The following NACC2 variants were observed in gnomAD, a reference collection of about 807,000 sequenced individuals.
NACC2 encodes NACC family member 2, also known as nucleus accumbens-associated protein 2.
A neutral mutation model predicts 25.1 loss-of-function variants in NACC2; 8 were observed. That is an observed-to-expected ratio of 0.32 (90% CI 0.19 to 0.57). The LOEUF is 0.57. Among genes scored for constraint, NACC2 ranks in the 20% least tolerant of loss-of-function variants. The pLI, the probability that NACC2 is intolerant of heterozygous loss-of-function variation, is 0.89. For missense variants in NACC2, 644 were observed against 650.2 expected (o/e 0.99, Z 0.10); for synonymous variants, 435 against 294.7 (o/e 1.48, Z -4.88).
chr9:136,057,804 G>T (rs1840947883), intron 1 of NACC2, among the ~76,000 whole-genome samples: 1 of 152,196 alleles, frequency 6.6e-6, no homozygotes, highest in Non-Finnish European at 1.5e-5. Context: ...GCTGTGGCCT[G>T]ATCATCACCA....
At chr9:136,012,223 C>G (rs560840461) in intron 5 of NACC2, among the ~76,000 whole-genome samples, 199 bp from the exon 6 acceptor site, 33 of 152,372 alleles carry the variant, frequency 2.2e-4, no homozygotes, top group Admixed American at 6.5e-4. Flanking sequence ...GGCCTCCCCA[C>G]CCCATTCCTC....
chr9:136,025,351 C>T (rs1840372802), intron 2 of NACC2, among the ~76,000 whole-genome samples: 1 of 152,028 alleles, frequency 6.6e-6, no homozygotes, highest in Admixed American at 6.6e-5. Context: ...TAAGAAAGGG[C>T]CAGGAATCCC....
chr9:136,079,824 G>C (rs11999397), intron 1 of NACC2, among the ~76,000 whole-genome samples: 14,066 of 152,304 alleles, frequency 0.092, 734 homozygotes, highest in African/African-American at 0.14. Flanking sequence ...ACAGGCAGCA[G>C]CCGGGGAAGT....
At chr9:136,052,713 C>A (rs953080648) in intron 1 of NACC2, among the ~76,000 whole-genome samples, 2,674 of 152,344 alleles carry the variant, frequency 0.018, 79 homozygotes, top group African/African-American at 0.06. Context: ...AAGGGGCAGC[C>A]CCGCCTGAGA....
rs748585142 is a variant in NACC2 at position 136,013,118 on chromosome 9, C to CG, written c.1255+80dup. On this transcript the variant is annotated intron_variant, in intron 5 of 5. Coordinates refer to ENST00000277554, the MANE Select transcript of NACC2 (RefSeq NM_144653.5). The surrounding 1 kb of genome is among the most constrained non-coding windows in gnomAD (Gnocchi z 6.6). ...AGCTGCAGGTGGCCGGGAGCACCCC[C>CG]GCGGCCCACCCAGTCCTCCTCAGGC... The CG allele has an allele frequency of 1.5e-4, 186 of 1,278,582 alleles. No homozygotes were observed. In the Middle Eastern group the frequency reaches 3.1e-3, roughly 22 times the overall value. The allele number at this position is 1,278,582 out of a possible 1,614,324, so 79.2% of individuals were successfully genotyped here.
At chr9:136,083,558 C>T (rs7873344) in intron 1 of NACC2, among the ~76,000 whole-genome samples, 2,584 of 152,356 alleles carry the variant, frequency 0.017, 26 homozygotes, top group Non-Finnish European at 0.026. Flanking sequence ...CCAGAGGTGT[C>T]TTCTGAGAAG....
intron 2 of NACC2, among the ~76,000 whole-genome samples, chr9:136,044,481 C>T (rs1255057295): frequency 3.9e-5 from 6 of 152,274 alleles, no homozygotes; most frequent in East Asian, 1.9e-4. Flanking sequence ...CTGCAGCCAA[C>T]GGCACTCCCC....
intron 1 of NACC2, among the ~76,000 whole-genome samples, chr9:136,067,642 C>T (rs1841102326): frequency 1.3e-5 from 2 of 152,304 alleles, no homozygotes; most frequent in South Asian, 2.1e-4. Flanking sequence ...TCGAGACCAT[C>T]TGGCCAACAT....
rs1474160396 is a variant in NACC2, at chr9:136,009,257, C to T, written c.*2259G>A. ...CCTGCTCCACCCCGCGGCTTCCTCCCATCTCCGAGGAAGGCTTGGTCCAGG... is the reference window on the plus strand; with the variant it reads ...CCTGCTCCACCCCGCGGCTTCCTCCTATCTCCGAGGAAGGCTTGGTCCAGG... On this transcript the variant is annotated 3_prime_UTR_variant, in exon 6 of 6. Transcript: ENST00000277554. 1 of 152,508 alleles carries T rather than the reference C, an allele frequency of 6.6e-6. No individual in the cohort carries two copies. The highest frequency in any genetic ancestry group is 2.1e-4 in the South Asian group (1 of 4,832). The allele number at this position is 152,508 out of a possible 1,614,324, so 9.4% of individuals were successfully genotyped here. A position where few individuals can be genotyped will look rare whatever the true frequency, so the allele number is the denominator to read the frequency against.
rs776020672 is a variant in NACC2 at position 136,011,876 on chromosome 9, C to T, written c.1404G>A (p.Thr468=). 3.1e-5 allele frequency: 48 copies of T among 1,569,416 alleles called. No individual in the cohort carries two copies. Among genetic ancestry groups the T allele is most frequent in the South Asian group, 3.5e-5 (3 of 86,596 alleles). The part of the protein sequence containing the change: ...MLPEGVEMYR[T]VMGSAAASVP... ...CGCTGGCGGCGGCGGAGCCCATGAC[C>T]GTGCGGTACATCTCCACGCCCTCCG... Residue 468 remains threonine, a synonymous_variant, in exon 6 of 6, where the codon ACG becomes ACA. Coordinates refer to ENST00000277554, the MANE Select transcript of NACC2 (RefSeq NM_144653.5).
intron 1 of NACC2, among the ~76,000 whole-genome samples, chr9:136,082,319 C>T (rs1015710078): frequency 6.6e-6 from 1 of 152,242 alleles, no homozygotes; most frequent in African/African-American, 2.4e-5. Context: ...CACCCCAAGG[C>T]CAAGTCCGGG....
chr9:136,053,805 G>T (rs1375923037), intron 1 of NACC2, among the ~76,000 whole-genome samples: 12 of 152,372 alleles, frequency 7.9e-5, no homozygotes, highest in African/African-American at 2.9e-4. Flanking sequence ...TACCAAAAGA[G>T]GGGACAGGCA....
intron 2 of NACC2, among the ~76,000 whole-genome samples, chr9:136,037,954 C>T (rs1396561264): frequency 6.6e-6 from 1 of 152,128 alleles, no homozygotes; most frequent in Non-Finnish European, 1.5e-5. Flanking sequence ...TGTCCTTTAA[C>T]CAGTGAATGC....
chr9:136,040,453 A>G (rs1588567201), intron 2 of NACC2, among the ~76,000 whole-genome samples: 1 of 152,232 alleles, frequency 6.6e-6, no homozygotes, highest in Non-Finnish European at 1.5e-5. Context: ...AAATAGGAGA[A>G]CGGAGAAATA....
intron 2 of NACC2, among the ~76,000 whole-genome samples, chr9:136,048,574 T>C (rs1840762651): frequency 6.6e-6 from 1 of 152,180 alleles, no homozygotes; most frequent in Admixed American, 6.5e-5. Flanking sequence ...TTAAACCAAG[T>C]GCGGAGTTCT....
At chr9:136,044,619 C>T (rs1052612188) in intron 2 of NACC2, among the ~76,000 whole-genome samples, 40 of 152,204 alleles carry the variant, frequency 2.6e-4, no homozygotes, top group Non-Finnish European at 4.6e-4. Context: ...CGTCCCAGGC[C>T]ACAAGGCAGC....
At chr9:136,063,606 G>A (rs544373916) in intron 1 of NACC2, among the ~76,000 whole-genome samples, 5 of 152,294 alleles carry the variant, frequency 3.3e-5, no homozygotes, top group Admixed American at 1.3e-4. Flanking sequence ...TAAAAAGGCC[G>A]AGCACGGTGG....
At position 136,045,930 on chromosome 9, in the gene NACC2, G is replaced by A. The variant is rs994336956; in HGVS notation, c.886+3706C>T. ...CCCAGCTGGCGCTGCCCACCCGGCC[G>A]GCTGCCTTGCCGGGGAAGCCCCGGC... On this transcript the variant is annotated intron_variant, in intron 2 of 5. Transcript: ENST00000277554. Among the ~76,000 whole-genome samples, 167 of 152,180 alleles carry A rather than the reference G, an allele frequency of 1.1e-3. 2 individuals carry two copies. The East Asian group carries it at 0.027, about 25-fold the overall frequency.
intron 1 of NACC2, among the ~76,000 whole-genome samples, chr9:136,093,248 G>A (rs1444965774): frequency 6.6e-6 from 1 of 152,224 alleles, no homozygotes; most frequent in African/African-American, 2.4e-5. Flanking sequence ...TGGAAGAACC[G>A]CTCAGCACCA....
Sources: gnomAD v4.1 joint callset for allele counts (sites outside exome capture counted in the v4.1 genomes callset) on GRCh38, gnomAD v4.1.1 for gene constraint, Gnocchi (gnomAD v3.1) non-coding constraint, MANE v1.5 for transcripts, NCBI Gene and HGNC (gene_info 2026-07-23, HGNC 2026-07-21) for gene names.